PDSS2: variants seen among roughly 807,000 people sequenced by gnomAD.
PDSS2 encodes the protein all trans-polyprenyl-diphosphate synthase PDSS2.
In PDSS2, 31 loss-of-function variants were observed where a neutral mutation model predicts 44.5. That is an observed-to-expected ratio of 0.70 (90% CI 0.52 to 0.94). PDSS2 has a LOEUF of 0.94. Among genes scored for constraint, PDSS2 ranks in the 40% least tolerant of loss-of-function variants. PDSS2 has a pLI of 0.00. For synonymous variants in PDSS2, 157 were observed against 180.3 expected, an observed-to-expected ratio of 0.87 and a Z score of 1.03; for missense variants, 452 against 482.2, an observed-to-expected ratio of 0.94 and a Z score of 0.59.
intron 7 of PDSS2, among the ~76,000 whole-genome samples, chr6:107,189,491 C>T (rs955907285): frequency 1.3e-5 from 2 of 152,048 alleles, no homozygotes; most frequent in East Asian, 1.9e-4. Context: ...GCACGTGCTA[C>T]CACACCCGGC....
rs4945773 is a variant in PDSS2, at chr6:107,184,826, G to A, written c.1041+8996C>T. Among the ~76,000 whole-genome samples, 977 of 128,454 alleles carry A rather than the reference G, an allele frequency of 7.6e-3. 12 individuals are homozygous for A. Among genetic ancestry groups the A allele is most frequent in the Admixed American group, 0.024 (331 of 13,678 alleles). 84.3% of individuals were successfully genotyped at this position (128,454 alleles called of 152,430 possible). ...TGGATGGCTAATGAATTAATATCTG[G>A]AAGATCTTTTTTTTTTTTTACCAAG... is the stretch of plus-strand genomic sequence containing the variant. On this transcript the variant is annotated intron_variant, in intron 7 of 7. Transcript: ENST00000369037.
intron 6 of PDSS2, among the ~76,000 whole-genome samples, chr6:107,201,633 G>A (rs893715069): frequency 2.6e-5 from 4 of 152,170 alleles, no homozygotes; most frequent in African/African-American, 9.7e-5. Flanking sequence ...ACTGTTATCT[G>A]GAGTTGAAAG....
rs1775505469 is a variant in PDSS2, at chr6:107,269,090, C to T, written c.630+4939G>A. On this transcript the variant is annotated intron_variant, in intron 3 of 7. Transcript: ENST00000369037. ...AAGTAGCTGGGATTACAGGCATGCA[C>T]CACCATGCCCTGATAATTTCAGGGT... 3.3e-5 allele frequency among the ~76,000 whole-genome samples: 5 copies of T among 152,100 alleles called. No individual in the cohort carries two copies. The South Asian group carries it at 1.0e-3, about 32-fold the overall frequency.
chr6:107,408,320 C>A (rs992855792), intron 1 of PDSS2, among the ~76,000 whole-genome samples: 4 of 152,184 alleles, frequency 2.6e-5, no homozygotes, highest in Non-Finnish European at 4.4e-5. Flanking sequence ...GCCTTACTAG[C>A]AGTTGTTATT....
At chr6:107,321,278 G>A (rs76701936) in intron 2 of PDSS2, among the ~76,000 whole-genome samples, 2,663 of 152,250 alleles carry the variant, frequency 0.017, 81 homozygotes, top group African/African-American at 0.061. Context: ...TAAAATAGAC[G>A]AGAAGTGCCT....
intron 1 of PDSS2, among the ~76,000 whole-genome samples, chr6:107,400,231 G>T (rs1447044727): frequency 6.6e-6 from 1 of 152,150 alleles, no homozygotes; most frequent in Non-Finnish European, 1.5e-5. Context: ...AGACCTTGGG[G>T]TCAATAGAAG....
At chr6:107,311,190 A>G (rs1374449275) in intron 2 of PDSS2, among the ~76,000 whole-genome samples, 1 of 133,186 alleles carries the variant, frequency 7.5e-6, no homozygotes, top group Non-Finnish European at 1.6e-5. Flanking sequence ...TGCCACCACA[A>G]CCAGCTTTTT....
intron 3 of PDSS2, among the ~76,000 whole-genome samples, chr6:107,272,621 C>A (rs1562424674): frequency 6.6e-6 from 1 of 152,188 alleles, no homozygotes; most frequent in Non-Finnish European, 1.5e-5. Context: ...CAAACCTAAT[C>A]CTAACTGATA....
At chr6:107,199,139 C>A (rs1772677665) in intron 6 of PDSS2, among the ~76,000 whole-genome samples, 1 of 152,112 alleles carries the variant, frequency 6.6e-6, no homozygotes, top group African/African-American at 2.4e-5. Flanking sequence ...TCTATTACAC[C>A]TCTTGGTTGC....
intron 2 of PDSS2, among the ~76,000 whole-genome samples, chr6:107,278,601 C>T (rs1775866667): frequency 6.6e-6 from 1 of 152,084 alleles, no homozygotes; most frequent in African/African-American, 2.4e-5. Flanking sequence ...AAGTAATAAC[C>T]AGGTAAGCAA....
chr6:107,176,720 C>A (rs745807843), intron 7 of PDSS2, among the ~76,000 whole-genome samples: 3 of 152,124 alleles, frequency 2.0e-5, no homozygotes, highest in Non-Finnish European at 4.4e-5. Context: ...CATAACTGAA[C>A]AGATATAACC....
intron 2 of PDSS2, among the ~76,000 whole-genome samples, chr6:107,328,069 T>C (rs768535774): frequency 3.3e-5 from 5 of 152,210 alleles, no homozygotes; most frequent in South Asian, 2.1e-4. Flanking sequence ...TGGTGAGTTG[T>C]AAAGGTATAC....
At chr6:107,304,203 C>G (rs1412950638) in intron 2 of PDSS2, among the ~76,000 whole-genome samples, 2 of 152,144 alleles carry the variant, frequency 1.3e-5, no homozygotes, top group Non-Finnish European at 2.9e-5. Context: ...CTCCCCAACC[C>G]TGGTTGAGTG....
At chr6:107,289,372 CAA>C (rs376719889) in intron 2 of PDSS2, among the ~76,000 whole-genome samples, 21 of 112,644 alleles carry the variant, frequency 1.9e-4, no homozygotes, top group Admixed American at 1.8e-4. Flanking sequence ...GACTCTGTCT[CAA>C]AAAAAAAAAA....
At chr6:107,296,364 T>C (rs1367587480) in intron 2 of PDSS2, among the ~76,000 whole-genome samples, 7 of 152,204 alleles carry the variant, frequency 4.6e-5, no homozygotes, top group Admixed American at 2.0e-4. Flanking sequence ...GTATGAAAGA[T>C]GTCAAAAATG....
intron 7 of PDSS2, among the ~76,000 whole-genome samples, chr6:107,173,572 CA>C (rs71012783): frequency 1.8e-3 from 73 of 41,492 alleles, no homozygotes; most frequent in East Asian, 7.3e-3. Context: ...GACTCTGTCT[CA>C]AAAAAAAAAA....
chr6:107,268,683 G>C (rs1180775262), intron 3 of PDSS2, among the ~76,000 whole-genome samples: 3 of 152,014 alleles, frequency 2.0e-5, no homozygotes, highest in Non-Finnish European at 4.4e-5. Context: ...TTAAAATACA[G>C]TATTTAAAAA....
At chr6:107,173,584 A>C (rs1485778245) in intron 7 of PDSS2, among the ~76,000 whole-genome samples, 11 of 148,564 alleles carry the variant, frequency 7.4e-5, no homozygotes, top group Non-Finnish European at 1.5e-4. Flanking sequence ...AAAAAAAAAA[A>C]AAAAAAAAAA....
intron 3 of PDSS2, among the ~76,000 whole-genome samples, chr6:107,266,006 G>A (rs1378656925): frequency 2.0e-5 from 3 of 151,860 alleles, no homozygotes; most frequent in Non-Finnish European, 2.9e-5. Flanking sequence ...AATATTTATC[G>A]CCACCTCCTC....
Sources: allele counts gnomAD v4.1 joint callset (sites outside exome capture counted in the v4.1 genomes callset), GRCh38; gene constraint gnomAD v4.1.1; transcripts MANE v1.5; gene names NCBI Gene and HGNC (gene_info 2026-07-23, HGNC 2026-07-21).